Variants in C4orf54 observed in about 807,000 individuals in gnomAD.
C4orf54 encodes the protein uncharacterized protein C4orf54.
C4orf54 carries 67 observed loss-of-function variants against 80.1 expected under a neutral mutation model. The ratio of observed to expected loss-of-function variants is 0.84; its 90% CI spans 0.69 to 1.03. C4orf54 has a LOEUF of 1.03. Ranked by LOEUF, C4orf54 falls within the 50% of genes least tolerant of loss-of-function variation. C4orf54 has a pLI of 0.00. For missense variants in C4orf54, 2,434 were observed against 2,253.5 expected, an observed-to-expected ratio of 1.08 and a Z score of -1.62; for synonymous variants, 1,000 against 917.0, an observed-to-expected ratio of 1.09 and a Z score of -1.64.
In C4orf54 at chr4:99,650,291, T is replaced by C. The variant is rs1246016104; in HGVS notation, c.4358A>G (p.Asn1453Ser). Residue 1453 changes from asparagine to serine, a missense_variant, in exon 2 of 3, where the codon AAC (asparagine) becomes AGC (serine). Transcript: ENST00000511828. ...CTCCAAATTGCTGCCACTTTTCCTG[T>C]TGGTCACCTCATCAGGAGGTGCCCG... ...ATRAPPDEVT[N>S]RKSGSNLEKS... The C allele has an allele frequency of 8.5e-6, 13 of 1,536,082 alleles. No homozygotes were observed. The highest frequency in any genetic ancestry group is 5.9e-5 in the South Asian group (5 of 84,056).
intron 2 of C4orf54, among the ~76,000 whole-genome samples, 174 bp from the exon 3 acceptor site, chr4:99,641,370 T>C (rs1726604652): frequency 6.6e-6 from 1 of 152,144 alleles, no homozygotes; most frequent in Non-Finnish European, 1.5e-5. Flanking sequence ...GGCAAATGTG[T>C]TTATGAACTT....
chr4:99,646,330 C>G (rs140889335), intron 2 of C4orf54, among the ~76,000 whole-genome samples: 1 of 152,048 alleles, frequency 6.6e-6, no homozygotes, highest in African/African-American at 2.4e-5. Context: ...CACAGTGGCT[C>G]GTAGAATGTA....
In C4orf54 at chr4:99,654,410, G is replaced by A. The variant is rs776459396; in HGVS notation, c.239C>T (p.Pro80Leu). 41 of 832,054 alleles carry A rather than the reference G, an allele frequency of 4.9e-5. No individual in the cohort carries two copies. In the Admixed American group the frequency reaches 7.0e-4, roughly 14 times the overall value. The allele number at this position is 832,054 out of a possible 1,614,324, so 51.5% of individuals were successfully genotyped here. Residue 80 changes from proline to leucine, a missense_variant, in exon 2 of 3, where the codon CCG (proline) becomes CTG (leucine). Physicochemically the swap from Pro to Leu is moderately conservative, Grantham distance 98. Transcript: ENST00000511828. Reference protein sequence around the residue: ...LPTSLRLAAAPPQGLKNWEVV... With the variant: ...LPTSLRLAAALPQGLKNWEVV... ...CTCCCAGTTCTTCAGCCCCTGTGGC[G>A]GGGCCGCAGCAAGCCTGAGGGAGGT...
rs115292032 is a variant in C4orf54, at chr4:99,652,145, A to G, written c.2504T>C (p.Met835Thr). ...HEFKMERGEVMDTSHHLSGTS... is the reference protein window; with the variant it reads ...HEFKMERGEVTDTSHHLSGTS... The stretch of plus-strand genomic sequence containing the variant: ...GCCTGAGAGGTGGTGGGATGTATCC[A>G]TGACTTCTCCCCTCTCCATTTTGAA... The change falls in exon 2 of 3, where the codon ATG becomes ACG. Residue 835 changes from methionine (M) to threonine (T), a missense_variant. By Grantham distance (81) the Met-to-Thr change is moderately conservative. Coordinates refer to ENST00000511828, the MANE Select transcript of C4orf54 (RefSeq NM_001354435.2). 0.043 allele frequency: 66,104 copies of G among 1,535,984 alleles called. 2,202 individuals are homozygous for G. Among genetic ancestry groups the G allele is most frequent in the African/African-American group, 0.16 (11,949 of 73,128 alleles).
In C4orf54 at chr4:99,652,204, A is replaced by G. The variant is rs750854055; in HGVS notation, c.2445T>C (p.Asn815=). The G allele has an allele frequency of 5.9e-6, 9 of 1,535,386 alleles. No homozygotes were observed. The South Asian group carries it at 9.5e-5, about 16-fold the overall frequency. Residue 815 remains asparagine, a synonymous_variant, in exon 2 of 3, where the codon AAT becomes AAC. Coordinates refer to ENST00000511828, the MANE Select transcript of C4orf54 (RefSeq NM_001354435.2). The part of the protein sequence containing the change: ...KSKFASSLLK[N]VISKKMQREH... ...CCCGCTGCATCTTCTTGGAAATGAC[A>G]TTTTTGAGCAGACTGGAGGCGAACT...
At chr4:99,644,705 C>T (rs1390821457) in intron 2 of C4orf54, among the ~76,000 whole-genome samples, 1 of 151,270 alleles carries the variant, frequency 6.6e-6, no homozygotes, top group Non-Finnish European at 1.5e-5. Context: ...CTGGAGGACT[C>T]ACCCAGTCCT....
At chr4:99,647,214 A>G (rs1223248563) in intron 2 of C4orf54, among the ~76,000 whole-genome samples, 2 of 152,208 alleles carry the variant, frequency 1.3e-5, no homozygotes, top group Non-Finnish European at 2.9e-5. Flanking sequence ...GGGAAAGGCC[A>G]AAGGCAGCTG....
rs1477503237 is a variant in C4orf54, at chr4:99,638,439, T to G, written c.*2794A>C. 1 of 152,146 alleles carries G rather than the reference T, an allele frequency of 6.6e-6. No individual in the cohort carries two copies. The highest frequency in any genetic ancestry group is 1.5e-5 in the Non-Finnish European group (1 of 68,004). 9.4% of individuals were successfully genotyped at this position (152,146 alleles called of 1,614,324 possible). A position where few individuals can be genotyped will look rare whatever the true frequency, so the allele number is the denominator to read the frequency against. On this transcript the variant is annotated 3_prime_UTR_variant, in exon 3 of 3. Transcript: ENST00000511828. The stretch of plus-strand genomic sequence containing the variant: ...GTAAAAAGTGGATCTTCTGGAAAAC[T>G]AAGCCACACATATAACCCTAAGAGG...
In C4orf54 at chr4:99,646,165, ATACT is replaced by A. The variant is rs572525529; in HGVS notation, c.*36+3062_*36+3065del. On this transcript the variant is annotated intron_variant, in intron 2 of 2. Coordinates refer to ENST00000511828, the MANE Select transcript of C4orf54 (RefSeq NM_001354435.2). The stretch of plus-strand genomic sequence containing the variant: ...TGTAGTGCTAAAAATAGATGATGAA[ATACT>A]TATTATTTGAACTGGAATGAATCTT... Among the ~76,000 whole-genome samples, 52 of 152,296 alleles carry A rather than the reference ATACT, an allele frequency of 3.4e-4. No individual in the cohort carries two copies. The East Asian group carries it at 5.0e-3, about 15-fold the overall frequency.
In C4orf54 at chr4:99,639,810, T is replaced by A. The variant is rs1578265979; in HGVS notation, c.*1423A>T. The A allele has an allele frequency of 6.6e-6, 1 of 152,140 alleles. No homozygotes were observed. Among genetic ancestry groups the A allele is most frequent in the East Asian group, 1.9e-4 (1 of 5,202 alleles). The allele number at this position is 152,140 out of a possible 1,614,324, so 9.4% of individuals were successfully genotyped here. A position where few individuals can be genotyped will look rare whatever the true frequency, so the allele number is the denominator to read the frequency against. Reference sequence around the variant, plus strand: ...AGTTTTTTACTCACACTTTTTGTCATGAGTAGCATAAAATTCTGTGGCTTA... The same window carrying A: ...AGTTTTTTACTCACACTTTTTGTCAAGAGTAGCATAAAATTCTGTGGCTTA... On this transcript the variant is annotated 3_prime_UTR_variant, in exon 3 of 3. Coordinates refer to ENST00000511828, the MANE Select transcript of C4orf54 (RefSeq NM_001354435.2).
intron 2 of C4orf54, among the ~76,000 whole-genome samples, chr4:99,643,792 A>ACACACACACACACACACACACC (rs61130907): frequency 1.9e-4 from 19 of 98,906 alleles, no homozygotes; most frequent in Non-Finnish European, 3.1e-4. Flanking sequence ...ACACACACAC[A>ACACACACACACACACACACACC]CCCCCTCCGC....
chr4:99,653,669 C>T lies in C4orf54; in HGVS notation c.980G>A (p.Gly327Glu), dbSNP rs1291897256. 6.6e-7 allele frequency: 1 copy of T among 1,524,680 alleles called. No individual in the cohort carries two copies. Among genetic ancestry groups the T allele is most frequent in the Non-Finnish European group, 8.8e-7 (1 of 1,140,910 alleles). The allele number at this position is 1,524,680 out of a possible 1,614,324, so 94.4% of individuals were successfully genotyped here. Reference sequence around the variant, plus strand: ...TCCTCCTTTTCCTCCTCCCCCTCCTCCTGATATTTTCTCTCCTTCTCCTCC... The same window carrying T: ...TCCTCCTTTTCCTCCTCCCCCTCCTTCTGATATTTTCTCTCCTTCTCCTCC... ...AVGGEGEKIS[G>E]GGGGGKGGGG... Residue 327 changes from glycine to glutamate, a missense_variant, in exon 2 of 3, where the codon GGA becomes GAA. Gly to Glu is a moderately conservative substitution (Grantham distance 98). Coordinates refer to ENST00000511828, the MANE Select transcript of C4orf54 (RefSeq NM_001354435.2).
At chr4:99,647,635 G>C (rs1726722803) in intron 2 of C4orf54, among the ~76,000 whole-genome samples, 2 of 152,112 alleles carry the variant, frequency 1.3e-5, no homozygotes, top group African/African-American at 4.8e-5. Context: ...GTGCTTTCAA[G>C]TGAATTCTTA....
In C4orf54 at chr4:99,652,779, G is replaced by A. The variant is rs1225468317; in HGVS notation, c.1870C>T (p.Arg624Cys). 1.6e-5 allele frequency: 24 copies of A among 1,536,118 alleles called. No individual in the cohort carries two copies. Among genetic ancestry groups the A allele is most frequent in the Non-Finnish European group, 2.1e-5 (24 of 1,146,918 alleles). Reference sequence around the variant, plus strand: ...CGGAAGGCCCGGGAGGTCAGGTTACGCACCTCTTTGTCCGCATCGTCCAGT... The same window carrying A: ...CGGAAGGCCCGGGAGGTCAGGTTACACACCTCTTTGTCCGCATCGTCCAGT... ...SELDDADKEV[R>C]NLTSRAFRSL... Residue 624 changes from arginine to cysteine, a missense_variant, in exon 2 of 3, where the codon CGT (arginine) becomes TGT (cysteine). Physicochemically the swap from Arg to Cys is radical, Grantham distance 180. Coordinates refer to ENST00000511828, the MANE Select transcript of C4orf54 (RefSeq NM_001354435.2).
chr4:99,650,498 G>A lies in C4orf54; in HGVS notation c.4151C>T (p.Pro1384Leu), dbSNP rs748521328. ...PVHKDVERTQ[P>L]LQPLPPLPSN... is the part of the protein sequence containing the mutation. ...GGGGAGTGGTGGGAGGGGCTGCAGG[G>A]GTTGGGTTCTCTCTACATCCTTGTG... is the stretch of plus-strand genomic sequence containing the variant. The change falls in exon 2 of 3, where the codon CCC (proline) becomes CTC (leucine). Residue 1384 changes from proline (P) to leucine (L), a missense_variant. Physicochemically the swap from Pro to Leu is moderately conservative, Grantham distance 98 (BLOSUM62 -3). Coordinates refer to ENST00000511828, the MANE Select transcript of C4orf54 (RefSeq NM_001354435.2). 7.2e-6 allele frequency: 11 copies of A among 1,536,020 alleles called. No individual in the cohort carries two copies. The South Asian group carries it at 9.5e-5, about 13-fold the overall frequency.
In C4orf54 at chr4:99,647,475, T is replaced by A. The variant is rs542395791; in HGVS notation, c.*36+1756A>T. 1.4e-4 allele frequency among the ~76,000 whole-genome samples: 21 copies of A among 152,262 alleles called. No individual in the cohort carries two copies. The East Asian group carries it at 1.9e-3, about 14-fold the overall frequency. ...TACCCATGCATATTGAATTTTTTTT[T>A]AATTTTCTACACTAAACAAAAGATG... On this transcript the variant is annotated intron_variant, in intron 2 of 2. Transcript: ENST00000511828.
In C4orf54 at chr4:99,650,493, G is replaced by A. The variant is rs1450458941; in HGVS notation, c.4156C>T (p.Gln1386Ter). 3.9e-6 allele frequency: 6 copies of A among 1,536,050 alleles called. No individual in the cohort carries two copies. In the African/African-American group the frequency reaches 6.8e-5, roughly 18 times the overall value. ...TTGCTGGGGAGTGGTGGGAGGGGCTGCAGGGGTTGGGTTCTCTCTACATCC... is the reference window on the plus strand; with the variant it reads ...TTGCTGGGGAGTGGTGGGAGGGGCTACAGGGGTTGGGTTCTCTCTACATCC... ...HKDVERTQPL[Q>*]PLPPLPSNRN... The change falls in exon 2 of 3, where the codon CAG (glutamine) becomes TAG (stop). Residue 1386 changes from glutamine (Q) to a stop codon, truncating the protein, a stop_gained. Coordinates refer to ENST00000511828, the MANE Select transcript of C4orf54 (RefSeq NM_001354435.2). LOFTEE classifies it high-confidence loss of function.
In C4orf54 at chr4:99,653,991, C is replaced by G. The variant is rs1726925321; in HGVS notation, c.658G>C (p.Gly220Arg). The change falls in exon 2 of 3, where the codon GGG (glycine) becomes CGG (arginine). Residue 220 changes from glycine to arginine, a missense_variant. Coordinates refer to ENST00000511828, the MANE Select transcript of C4orf54 (RefSeq NM_001354435.2). ...GGGCTCCTAGAGGCCCTCTGACCCC[C>G]AGGGCAGTGCCCCAGGGTAAGTTTC... ...TMKLTLGHCP[G>R]GQRASRSPKE... 1 of 1,536,136 alleles carries G rather than the reference C, an allele frequency of 6.5e-7. No homozygotes were observed.
chr4:99,646,474 C>A (rs936048572), intron 2 of C4orf54, among the ~76,000 whole-genome samples: 1 of 152,198 alleles, frequency 6.6e-6, no homozygotes, highest in Admixed American at 6.5e-5. Flanking sequence ...GGTGTCCTTG[C>A]TGCCAGTTCA....
Sources: allele counts gnomAD v4.1 joint callset (sites outside exome capture counted in the v4.1 genomes callset), GRCh38; gene constraint gnomAD v4.1.1; transcripts MANE v1.5; gene names NCBI Gene and HGNC (gene_info 2026-07-23, HGNC 2026-07-21).